The following NDUFA13 variants were observed in gnomAD, a reference collection of about 807,000 sequenced individuals.
The protein encoded by NDUFA13 is NADH dehydrogenase [ubiquinone] 1 alpha subcomplex subunit 13.
A neutral mutation model predicts 17.0 loss-of-function variants in NDUFA13; 16 were observed. The ratio of observed to expected loss-of-function variants is 0.94; its 90% CI spans 0.64 to 1.43. The LOEUF is 1.43. Ranked by LOEUF, NDUFA13 falls within the 40% of genes most tolerant of loss-of-function variation. The probability of loss-of-function intolerance (pLI) is 0.00; values close to 1 mark genes in which losing one functional copy is unlikely to be tolerated. For missense variants in NDUFA13, 228 were observed against 206.7 expected (o/e 1.10, Z -0.63); for synonymous variants, 87 against 78.4 (o/e 1.11, Z -0.58).
At chr19:19,517,780 G>A (rs561269740) in intron 1 of NDUFA13, among the ~76,000 whole-genome samples, 1 of 152,040 alleles carries the variant, frequency 6.6e-6, no homozygotes, top group East Asian at 2.0e-4. Flanking sequence ...TCCAGCCTCA[G>A]CCTCCCAAAG....
rs1157762768 is a variant in NDUFA13, at chr19:19,521,956, T to C, written c.95-4226T>C. Among the ~76,000 whole-genome samples the C allele has an allele frequency of 2.0e-5, 3 of 152,294 alleles. No homozygotes were observed. In the East Asian group the frequency reaches 5.8e-4, roughly 29 times the overall value. On this transcript the variant is annotated intron_variant, in intron 1 of 4. Transcript: ENST00000507754. The stretch of plus-strand genomic sequence containing the variant: ...TGAGTTGTAAGATTGTGTATACATA[T>C]GTTGTCTTCTCAGCTAATTGATAGT...
intron 1 of NDUFA13, among the ~76,000 whole-genome samples, chr19:19,525,177 C>T (rs2061094605): frequency 6.6e-6 from 1 of 152,260 alleles, no homozygotes; most frequent in Non-Finnish European, 1.5e-5. Context: ...AGCCCGGACC[C>T]AGCACACCCT....
intron 4 of NDUFA13, 60 bp downstream of exon 4, chr19:19,527,830 G>A (rs2061111088): frequency 6.6e-7 from 1 of 1,524,264 alleles, no homozygotes; most frequent in Non-Finnish European, 8.9e-7. Flanking sequence ...CCTGGGGTTG[G>A]GGAGCTCCCA....
chr19:19,522,053 C>G (rs2061080424), intron 1 of NDUFA13, among the ~76,000 whole-genome samples: 1 of 151,998 alleles, frequency 6.6e-6, no homozygotes, highest in Non-Finnish European at 1.5e-5. Context: ...GCCTGTAATT[C>G]CAGCACTTTG....
At chr19:19,526,355 A>G in intron 2 of NDUFA13, 95 bp downstream of exon 2, 1 of 1,379,004 alleles carries the variant, frequency 7.3e-7, no homozygotes, top group Non-Finnish European at 1.0e-6. Flanking sequence ...GCGAGGGGTG[A>G]ACGGGCCCCT....
intron 1 of NDUFA13, among the ~76,000 whole-genome samples, chr19:19,521,750 C>T (rs958115872): frequency 8.6e-5 from 13 of 151,938 alleles, no homozygotes; most frequent in East Asian, 3.9e-4. Flanking sequence ...CTTCAGGCAC[C>T]TGCCACTGCG....
intron 1 of NDUFA13, among the ~76,000 whole-genome samples, chr19:19,517,292 A>G (rs1053749696): frequency 1.4e-5 from 2 of 145,714 alleles, no homozygotes; most frequent in African/African-American, 5.2e-5. Flanking sequence ...GGCTGGAGTG[A>G]TTTCTTGGCA....
intron 1 of NDUFA13, among the ~76,000 whole-genome samples, chr19:19,516,534 C>G (rs748527317): frequency 2.0e-5 from 3 of 152,238 alleles, no homozygotes; most frequent in Non-Finnish European, 4.4e-5. Context: ...TCGTAACAGC[C>G]CAGGAAATCG....
chr19:19,518,570 G>GTT (rs71170692), intron 1 of NDUFA13, among the ~76,000 whole-genome samples: 14 of 120,410 alleles, frequency 1.2e-4, no homozygotes, highest in African/African-American at 2.3e-4. Flanking sequence ...TTGTGTGTGT[G>GTT]TTTTTTTTTT....
chr19:19,516,507 C>T (rs2061049727), intron 1 of NDUFA13, among the ~76,000 whole-genome samples, 175 bp downstream of exon 1: 1 of 152,206 alleles, frequency 6.6e-6, no homozygotes, highest in South Asian at 2.1e-4. Flanking sequence ...GAGGTCTTTC[C>T]CAGCTCCTCT....
chr19:19,516,247 G>C lies in NDUFA13; in HGVS notation c.9G>C (p.Ala3=). MA[A]SKVKQDMPPP... ...TGTGGGATACTGCGAGTATGGCGGC[G>C]TCAAAGGTGAAGCAGGACATGCCTC... The change falls in exon 1 of 5, where the codon GCG becomes GCC. Residue 3 remains alanine, a synonymous_variant. Transcript: ENST00000507754. 1 of 1,614,110 alleles carries C rather than the reference G, an allele frequency of 6.2e-7. No individual in the cohort carries two copies.
At chr19:19,516,390 G>C (rs2061048885) in intron 1 of NDUFA13, 58 bp downstream of exon 1, 1 of 1,582,228 alleles carries the variant, frequency 6.3e-7, no homozygotes, top group East Asian at 2.3e-5. Context: ...TCGGGGGCGG[G>C]GTTCCGGGGA....
chr19:19,527,099 G>A (rs1471712979), intron 2 of NDUFA13, among the ~76,000 whole-genome samples, 182 bp from the exon 3 acceptor site: 1 of 152,196 alleles, frequency 6.6e-6, no homozygotes, highest in Non-Finnish European at 1.5e-5. Context: ...CTCCTCTCAG[G>A]CTCCTGGTGG....
chr19:19,522,496 T>TTTTTTTTTTG (rs2061082473), intron 1 of NDUFA13, among the ~76,000 whole-genome samples: 1 of 143,278 alleles, frequency 7.0e-6, no homozygotes. Context: ...TTTTTTTTTT[T>TTTTTTTTTTG]GAGATGGAGC....
Position 19,517,463 on chromosome 19 carries a change from C to T in NDUFA13, c.94+1131C>T, listed in dbSNP as rs180943033. Among the ~76,000 whole-genome samples, 316 of 152,282 alleles carry T rather than the reference C, an allele frequency of 2.1e-3. 1 individual carries two copies. Among genetic ancestry groups the T allele is most frequent in the African/African-American group, 7.4e-3 (307 of 41,564 alleles). ...CTGGGCTCAAGTGATCCACCCACCT[C>T]GGCTTCCCAAAGTGATGGGACTATC... On this transcript the variant is annotated intron_variant, in intron 1 of 4. Coordinates refer to ENST00000507754, the MANE Select transcript of NDUFA13 (RefSeq NM_015965.7).
At chr19:19,519,684 G>A (rs913619327) in intron 1 of NDUFA13, among the ~76,000 whole-genome samples, 4 of 152,156 alleles carry the variant, frequency 2.6e-5, no homozygotes, top group Non-Finnish European at 5.9e-5. Context: ...GGATAACCTG[G>A]GCCCACTTAA....
intron 1 of NDUFA13, among the ~76,000 whole-genome samples, chr19:19,525,058 A>G (rs2061094158): frequency 6.7e-6 from 1 of 149,990 alleles, no homozygotes; most frequent in South Asian, 2.2e-4. Flanking sequence ...CCAAAAAAGG[A>G]AAAAAAAATG....
intron 3 of NDUFA13, 107 bp downstream of exon 3, chr19:19,527,459 G>A (rs1395997175): frequency 5.2e-6 from 7 of 1,348,206 alleles, no homozygotes; most frequent in South Asian, 2.4e-5. Flanking sequence ...GGGGGCCATC[G>A]CCCTGTGCCG....
chr19:19,521,093 A>G (rs2061075122), intron 1 of NDUFA13, among the ~76,000 whole-genome samples: 1 of 152,210 alleles, frequency 6.6e-6, no homozygotes, highest in African/African-American at 2.4e-5. Flanking sequence ...CGTGTTTAAC[A>G]TTTTGAGGAA....
Sources: gnomAD v4.1 joint callset for allele counts (sites outside exome capture counted in the v4.1 genomes callset) on GRCh38, gnomAD v4.1.1 for gene constraint, MANE v1.5 for transcripts, NCBI Gene and HGNC (gene_info 2026-07-23, HGNC 2026-07-21) for gene names.